Variants in PTPRJ observed in about 807,000 individuals in gnomAD.
The protein encoded by PTPRJ is receptor-type tyrosine-protein phosphatase eta.
PTPRJ carries 129 observed loss-of-function variants against 141.3 expected under a neutral mutation model. The ratio of observed to expected loss-of-function variants is 0.91; its 90% confidence interval spans 0.79 to 1.06. The LOEUF (loss-of-function observed/expected upper bound fraction) is 1.06. Among genes scored for constraint, PTPRJ ranks in the 50% least tolerant of loss-of-function variants. The probability of loss-of-function intolerance (pLI) is 0.00; values close to 1 mark genes in which losing one functional copy is unlikely to be tolerated. For missense variants in PTPRJ, 1,601 were observed against 1,679.7 expected (o/e 0.95, Z 0.82); for synonymous variants, 610 against 640.5 (o/e 0.95, Z 0.72).
intron 1 of PTPRJ, among the ~76,000 whole-genome samples, chr11:48,079,856 G>T (rs12284452): frequency 0.011 from 1,628 of 152,188 alleles, 26 homozygotes; most frequent in African/African-American, 0.037. Context: ...TTGGGGCTGG[G>T]GAGAGTGCTG....
chr11:48,066,374 ACCCTAAT>A (rs1249454529), intron 1 of PTPRJ, among the ~76,000 whole-genome samples: 4 of 151,868 alleles, frequency 2.6e-5, no homozygotes, highest in Non-Finnish European at 4.4e-5. Context: ...ATATGTAGTT[ACCCTAAT>A]GGGTCCCCGC....
Position 48,149,998 on chromosome 11 carries a change from A to G in PTPRJ, c.3050A>G (p.Lys1017Arg). 1 of 1,484,338 alleles carries G rather than the reference A, an allele frequency of 6.7e-7. No homozygotes were observed. Among genetic ancestry groups the G allele is most frequent in the South Asian group, 1.2e-5 (1 of 85,694 alleles). 91.9% of individuals were successfully genotyped at this position (1,484,338 alleles called of 1,614,324 possible). A position where few individuals can be genotyped will look rare whatever the true frequency, so the allele number is the denominator to read the frequency against. The stretch of plus-strand genomic sequence containing the variant: ...CCCTTTCTATCATGAAGACCTAAAA[A>G]GTGAGTAATCTCTTTATTTTTTTTA... ...EVSFSQIKPK[K>R]SKLIRVENFE... The change falls in exon 17 of 25, where the codon AAA (lysine) becomes AGA (arginine). Residue 1017 changes from lysine (K) to arginine (R), a missense_variant and splice_region_variant. By Grantham distance (26) the Lys-to-Arg change is conservative. Transcript: ENST00000418331.
intron 1 of PTPRJ, among the ~76,000 whole-genome samples, chr11:48,062,491 C>T (rs1050875427): frequency 2.0e-5 from 3 of 151,264 alleles, no homozygotes; most frequent in Non-Finnish European, 2.9e-5. Flanking sequence ...CCAGCCTGGG[C>T]GACAGAGCGA....
intron 1 of PTPRJ, among the ~76,000 whole-genome samples, chr11:48,025,886 A>G (rs770959052): frequency 3.3e-5 from 5 of 152,128 alleles, no homozygotes; most frequent in South Asian, 2.1e-4. Context: ...TTCCCAAGAC[A>G]TGCTGCACTT....
chr11:48,089,972 C>A (rs1565297618), intron 1 of PTPRJ, among the ~76,000 whole-genome samples: 1 of 152,156 alleles, frequency 6.6e-6, no homozygotes, highest in Non-Finnish European at 1.5e-5. Context: ...ATGAAATATC[C>A]CATGTAAGAT....
chr11:48,128,075 C>T (rs373367979), intron 7 of PTPRJ, 32 bp downstream of exon 7: 1 of 1,595,360 alleles, frequency 6.3e-7, no homozygotes, highest in Non-Finnish European at 8.6e-7. Flanking sequence ...ACCACCCTTT[C>T]CTGCTGTCCT....
At chr11:48,011,524 T>C (rs1331897488) in intron 1 of PTPRJ, among the ~76,000 whole-genome samples, 2 of 152,176 alleles carry the variant, frequency 1.3e-5, no homozygotes, top group Admixed American at 1.3e-4. Context: ...ATGTGATTGG[T>C]GTTAATAAGG....
chr11:48,056,088 G>A (rs1159410798), intron 1 of PTPRJ, among the ~76,000 whole-genome samples: 1 of 152,202 alleles, frequency 6.6e-6, no homozygotes, highest in Non-Finnish European at 1.5e-5. Context: ...ATCACACACT[G>A]TGGATAAAGT....
At chr11:48,072,290 G>T (rs937034680) in intron 1 of PTPRJ, among the ~76,000 whole-genome samples, 5 of 152,172 alleles carry the variant, frequency 3.3e-5, no homozygotes, top group African/African-American at 1.2e-4. Context: ...CCAGCATCTG[G>T]CCAGGGCCTT....
At chr11:48,017,058 C>T (rs1854970446) in intron 1 of PTPRJ, among the ~76,000 whole-genome samples, 1 of 151,994 alleles carries the variant, frequency 6.6e-6, no homozygotes, top group African/African-American at 2.4e-5. Flanking sequence ...CCTCACCTGG[C>T]TGTATTTTCC....
intron 1 of PTPRJ, among the ~76,000 whole-genome samples, chr11:48,082,931 G>C (rs2134287465): frequency 6.6e-6 from 1 of 152,244 alleles, no homozygotes; most frequent in South Asian, 2.1e-4. Flanking sequence ...TGGGTGCAAG[G>C]GGTTGCAGAA....
intron 1 of PTPRJ, among the ~76,000 whole-genome samples, chr11:48,008,668 G>A (rs1230823912): frequency 2.0e-5 from 3 of 150,716 alleles, no homozygotes; most frequent in Admixed American, 1.3e-4. Flanking sequence ...AGGTTCAAGC[G>A]ATTCTCCTGC....
At chr11:48,163,308 C>A (rs1211524450) in intron 22 of PTPRJ, 150 bp from the exon 23 acceptor site, 1 of 674,846 alleles carries the variant, frequency 1.5e-6, no homozygotes, top group South Asian at 1.9e-5. Context: ...GATGAGCAAG[C>A]ACTTTATCAG....
chr11:48,159,161 G>GTGTGTGTGTTA (rs60389100), intron 21 of PTPRJ, among the ~76,000 whole-genome samples: 2 of 130,520 alleles, frequency 1.5e-5, no homozygotes, highest in Admixed American at 7.9e-5. Context: ...GTGTGTGTGT[G>GTGTGTGTGTTA]GTCATTTGCC....
intron 1 of PTPRJ, among the ~76,000 whole-genome samples, chr11:47,984,635 C>T (rs530643981): frequency 7.3e-5 from 11 of 151,466 alleles, no homozygotes; most frequent in South Asian, 2.1e-4. Context: ...CTTGGCTCAC[C>T]GCAACCTCCA....
At chr11:48,056,793 AATAC>A (rs2134254756) in intron 1 of PTPRJ, among the ~76,000 whole-genome samples, 1 of 152,298 alleles carries the variant, frequency 6.6e-6, no homozygotes, top group South Asian at 2.1e-4. Flanking sequence ...TCTCTACTAA[AATAC>A]AAAAGAATTA....
chr11:48,004,816 T>A (rs148430503), intron 1 of PTPRJ, among the ~76,000 whole-genome samples: 48 of 152,322 alleles, frequency 3.2e-4, no homozygotes, highest in African/African-American at 1.2e-3. Context: ...GATTTTCTTT[T>A]CATGTTGTAA....
At chr11:48,082,770 C>T (rs868692918) in intron 1 of PTPRJ, among the ~76,000 whole-genome samples, 5 of 151,940 alleles carry the variant, frequency 3.3e-5, no homozygotes, top group South Asian at 2.1e-4. Flanking sequence ...AAAATTCATG[C>T]GGTGCAATAA....
chr11:48,003,694 T>A (rs182011949), intron 1 of PTPRJ, among the ~76,000 whole-genome samples: 52 of 152,228 alleles, frequency 3.4e-4, no homozygotes, highest in Admixed American at 3.3e-3. Context: ...TGGGGTTTCA[T>A]CATGATGGCC....
Sources: gnomAD v4.1 joint callset for allele counts (sites outside exome capture counted in the v4.1 genomes callset) on GRCh38, gnomAD v4.1.1 for gene constraint, MANE v1.5 for transcripts, NCBI Gene and HGNC (gene_info 2026-07-23, HGNC 2026-07-21) for gene names.